UNC13C: variants seen among roughly 807,000 people sequenced by gnomAD.
UNC13C encodes unc-13 homolog C.
Under a neutral mutation model 245.4 loss-of-function variants are expected in UNC13C, and 174 were observed. That is an observed-to-expected ratio of 0.71 (90% CI 0.63 to 0.80). The LOEUF is 0.80. Among genes scored for constraint, UNC13C ranks in the 30% least tolerant of loss-of-function variants. The pLI is 0.00. For synonymous variants in UNC13C, 992 were observed against 895.1 expected (o/e 1.11, Z -1.93); for missense variants, 2,829 against 2,602.9 (o/e 1.09, Z -1.89).
At chr15:54,172,875 T>C (rs2033470244) in intron 4 of UNC13C, among the ~76,000 whole-genome samples, 1 of 150,570 alleles carries the variant, frequency 6.6e-6, no homozygotes, top group Non-Finnish European at 1.5e-5. Context: ...AGCTTTTATA[T>C]TGAGACTTGT....
rs571161148 is a variant in UNC13C, at chr15:54,576,339, T to C, written c.6106+8392T>C. ...TTCCTTCCCACAGCCTATGCTTTCT[T>C]CTCCCTAGCTTTAAATAATTGGGTG... is the stretch of plus-strand genomic sequence containing the variant. On this transcript the variant is annotated intron_variant, in intron 30 of 32. Transcript: ENST00000260323. 9.8e-5 allele frequency among the ~76,000 whole-genome samples: 15 copies of C among 152,330 alleles called. 2 individuals are homozygous for C. In the South Asian group the frequency reaches 3.1e-3, roughly 32 times the overall value.
chr15:53,934,617 A>T, the UNC13C span, among the ~76,000 whole-genome samples: 1 of 152,196 alleles, frequency 6.6e-6, no homozygotes, highest in African/African-American at 2.4e-5. Context: ...ATAGTCGTAG[A>T]AGGTATATGT....
At chr15:54,126,952 A>G (rs1405624041) in intron 2 of UNC13C, among the ~76,000 whole-genome samples, 2 of 152,244 alleles carry the variant, frequency 1.3e-5, no homozygotes, top group Non-Finnish European at 2.9e-5. Flanking sequence ...GTTATATGAA[A>G]AAAGCTCATA....
intron 2 of UNC13C, among the ~76,000 whole-genome samples, chr15:54,130,287 ATTTTT>A (rs71824258): frequency 1.2e-5 from 1 of 81,282 alleles, no homozygotes; most frequent in Non-Finnish European, 2.2e-5. Context: ...TAGATAATTA[ATTTTT>A]TTTTTTTTTT....
intron 18 of UNC13C, among the ~76,000 whole-genome samples, chr15:54,409,302 G>C (rs1016097530): frequency 9.4e-5 from 14 of 149,322 alleles, no homozygotes; most frequent in Non-Finnish European, 1.8e-4. Flanking sequence ...TATTCTTTTT[G>C]TCTTTTATAT....
chr15:54,066,790 G>A (rs923695130), intron 2 of UNC13C, among the ~76,000 whole-genome samples: 2 of 152,172 alleles, frequency 1.3e-5, no homozygotes, highest in African/African-American at 2.4e-5. Context: ...GGGAAAAAGT[G>A]CTGTGATGTT....
chr15:53,847,174 T>A, the UNC13C span, among the ~76,000 whole-genome samples: 2 of 152,216 alleles, frequency 1.3e-5, no homozygotes, highest in Non-Finnish European at 2.9e-5. Flanking sequence ...TAATAACTTA[T>A]TAACTTTCTA....
In UNC13C at chr15:54,312,358, C is replaced by A. The variant is rs530238658; in HGVS notation, c.4269-9581C>A. Among the ~76,000 whole-genome samples, 7 of 151,780 alleles carry A rather than the reference C, an allele frequency of 4.6e-5. No individual in the cohort carries two copies. In the South Asian group the frequency reaches 1.2e-3, roughly 27 times the overall value. On this transcript the variant is annotated intron_variant, in intron 13 of 32. Transcript: ENST00000260323. Reference sequence around the variant, plus strand: ...CCACCTGTAAACTTTGAAAGACCAGCCCCTAAAAATTTTCCACTTTCTGCC... The same window carrying A: ...CCACCTGTAAACTTTGAAAGACCAGACCCTAAAAATTTTCCACTTTCTGCC...
chr15:54,128,934 C>T (rs1429737222), intron 2 of UNC13C, among the ~76,000 whole-genome samples: 5 of 152,194 alleles, frequency 3.3e-5, no homozygotes, highest in Non-Finnish European at 5.9e-5. Flanking sequence ...GGGTCATTCT[C>T]TTGCTTAAAA....
intron 4 of UNC13C, among the ~76,000 whole-genome samples, chr15:54,147,643 A>G (rs955533911): frequency 1.3e-5 from 2 of 152,108 alleles, no homozygotes; most frequent in African/African-American, 4.8e-5. Flanking sequence ...ACTTAAGTTT[A>G]CCTTTCCCTT....
chr15:54,172,321 G>A (rs1054940302), intron 4 of UNC13C, among the ~76,000 whole-genome samples: 2 of 151,890 alleles, frequency 1.3e-5, no homozygotes, highest in African/African-American at 4.8e-5. Flanking sequence ...TGACTCTTAT[G>A]TGATTATTAT....
intron 2 of UNC13C, chr15:54,048,977 C>A: frequency 5.6e-6 from 2 of 356,680 alleles, no homozygotes; most frequent in Non-Finnish European, 1.1e-5. Context: ...CACTCCAGGC[C>A]AAAGTATGCA....
intron 2 of UNC13C, among the ~76,000 whole-genome samples, chr15:54,134,624 A>G (rs901177166): frequency 6.3e-4 from 96 of 151,846 alleles, no homozygotes; most frequent in African/African-American, 2.3e-3. Context: ...GGTTCACGCC[A>G]TTCTCCTGCC....
chr15:54,296,110 A>T (rs1483547256), intron 11 of UNC13C, among the ~76,000 whole-genome samples: 1 of 152,154 alleles, frequency 6.6e-6, no homozygotes. Context: ...GAACCAATAA[A>T]GCTCCCCTGG....
chr15:54,253,517 T>C (rs1567137125), intron 8 of UNC13C, among the ~76,000 whole-genome samples: 1 of 152,230 alleles, frequency 6.6e-6, no homozygotes. Flanking sequence ...ATAAAATCAG[T>C]GGCAGCAGCC....
At position 54,005,390 on chromosome 15, in the gene UNC13C, T is replaced by C. The variant is rs76347565; in HGVS notation, c.-256-7258T>C. ...CTAAAACCGGTCACGTTGGTTGCAA[T>C]GCTGGCTGCATCACTTCCAAGCTAT... On this transcript the variant is annotated intron_variant, in intron 1 of 32. Coordinates refer to ENST00000260323, the MANE Select transcript of UNC13C (RefSeq NM_001080534.3). 3.3e-3 allele frequency among the ~76,000 whole-genome samples: 502 copies of C among 152,284 alleles called. 2 individuals are homozygous for C. The highest frequency in any genetic ancestry group is 6.3e-3 in the Non-Finnish European group (430 of 68,010).
rs371969778 is a variant in UNC13C at position 54,297,787 on chromosome 15, C to T, written c.3989-24C>T. ...AAACATTATTGTCAGACATGACTGA[C>T]CAATTGCCTTTTTGCTTTATCAGAG... is the stretch of plus-strand genomic sequence containing the variant. On this transcript the variant is annotated intron_variant, in intron 11 of 32. Coordinates refer to ENST00000260323, the MANE Select transcript of UNC13C (RefSeq NM_001080534.3). The T allele has an allele frequency of 3.4e-5, 51 of 1,512,764 alleles. No individual in the cohort carries two copies. The African/African-American group carries it at 6.3e-4, about 19-fold the overall frequency. The allele number at this position is 1,512,764 out of a possible 1,614,324, so 93.7% of individuals were successfully genotyped here.
intron 2 of UNC13C, among the ~76,000 whole-genome samples, chr15:54,064,625 C>A (rs1256462099): frequency 6.6e-6 from 1 of 152,206 alleles, no homozygotes; most frequent in Admixed American, 6.5e-5. Context: ...TATTTACTCA[C>A]ATCAGTCACT....
intron 7 of UNC13C, among the ~76,000 whole-genome samples, chr15:54,242,808 AAGTT>A (rs1273512222): frequency 9.8e-5 from 15 of 152,288 alleles, no homozygotes; most frequent in Admixed American, 2.6e-4. Context: ...TACATACTAA[AAGTT>A]AGTTAATTTT....
Sources: allele counts gnomAD v4.1 joint callset (sites outside exome capture counted in the v4.1 genomes callset), GRCh38; gene constraint gnomAD v4.1.1; transcripts MANE v1.5; gene names NCBI Gene and HGNC (gene_info 2026-07-23, HGNC 2026-07-21).